Variants in FAM13A observed in about 807,000 individuals in gnomAD.
FAM13A encodes protein FAM13A.
Under a neutral mutation model 129.6 loss-of-function variants are expected in FAM13A, and 76 were observed. That is an observed-to-expected ratio of 0.59 (90% CI 0.49 to 0.71). The LOEUF (loss-of-function observed/expected upper bound fraction) is 0.71. FAM13A is among the 30% of genes least tolerant of loss of function. FAM13A has a pLI of 0.00. For synonymous variants in FAM13A, 443 were observed against 449.9 expected (o/e 0.98, Z 0.20); for missense variants, 1,108 against 1,249.3 (o/e 0.89, Z 1.70).
chr4:88,871,958 T>C (rs1178847473), intron 6 of FAM13A, among the ~76,000 whole-genome samples: 1 of 152,142 alleles, frequency 6.6e-6, no homozygotes, highest in Non-Finnish European at 1.5e-5. Flanking sequence ...CGGCAGAAAC[T>C]CTACAAGCCA....
rs373542000 is a variant in FAM13A, at chr4:89,023,428, TG to T, written c.218-2760del. Among the ~76,000 whole-genome samples, 19 of 152,124 alleles carry T rather than the reference TG, an allele frequency of 1.2e-4. No individual in the cohort carries two copies. The East Asian group carries it at 1.4e-3, about 11-fold the overall frequency. On this transcript the variant is annotated intron_variant, in intron 2 of 23. Coordinates refer to ENST00000264344, the MANE Select transcript of FAM13A (RefSeq NM_014883.4). ...GCCCCTTAGATCTGATTTCACATGA[TG>T]TTGTTTTTTTTTTTTCTTTTTAGCT...
At chr4:88,807,949 AAAATGTAAGCACTGAAATTTAAGT>A (rs1728911610) in intron 7 of FAM13A, among the ~76,000 whole-genome samples, 1 of 152,340 alleles carries the variant, frequency 6.6e-6, no homozygotes, top group Non-Finnish European at 1.5e-5. Flanking sequence ...TCTAAAAAAG[AAAATGTAAGCACTGAAATTTAAGT>A]AAAATAAAGC....
chr4:88,878,236 C>T (rs1376933211), intron 6 of FAM13A, among the ~76,000 whole-genome samples: 1 of 133,060 alleles, frequency 7.5e-6, no homozygotes, highest in Non-Finnish European at 1.5e-5. Context: ...TGCAGTGAGC[C>T]GAGATTGCGC....
At chr4:89,029,716 A>C in intron 1 of FAM13A, 67 bp from the exon 2 acceptor site, 1 of 1,278,990 alleles carries the variant, frequency 7.8e-7, no homozygotes, top group Non-Finnish European at 1.1e-6. Flanking sequence ...TGGTTACAAC[A>C]GAAACACCTG....
chr4:88,750,537 G>A lies in FAM13A; in HGVS notation c.1827C>T (p.Asp609=), dbSNP rs371681708. ...QAGRLIRQLL[D]EDSDPMLSPR... Reference sequence around the variant, plus strand: ...GAGAGAGCATGGGGTCGCTGTCTTCGTCCAGCAGCTGACGGATCAGGCGCC... The same window carrying A: ...GAGAGAGCATGGGGTCGCTGTCTTCATCCAGCAGCTGACGGATCAGGCGCC... Residue 609 remains aspartate, a synonymous_variant, in exon 15 of 24, where the codon GAC becomes GAT. Transcript: ENST00000264344. The A allele has an allele frequency of 6.0e-5, 97 of 1,614,018 alleles. No homozygotes were observed. Among genetic ancestry groups the A allele is most frequent in the Non-Finnish European group, 7.6e-5 (90 of 1,180,012 alleles).
chr4:88,824,834 A>C (rs762908259), intron 7 of FAM13A, among the ~76,000 whole-genome samples: 8 of 151,722 alleles, frequency 5.3e-5, no homozygotes, highest in Non-Finnish European at 7.4e-5. Flanking sequence ...CAGCCTCCCG[A>C]GTAGCTGGAA....
chr4:88,933,560 C>T (rs1047015922), intron 5 of FAM13A, among the ~76,000 whole-genome samples: 2 of 152,084 alleles, frequency 1.3e-5, no homozygotes, highest in African/African-American at 4.8e-5. Flanking sequence ...TAATGCAAAC[C>T]TCCTATTTCC....
At chr4:88,875,595 C>A (rs1298590990) in intron 6 of FAM13A, among the ~76,000 whole-genome samples, 1 of 152,136 alleles carries the variant, frequency 6.6e-6, no homozygotes, top group Non-Finnish European at 1.5e-5. Flanking sequence ...AATGAGATAC[C>A]ATCTCACACC....
Position 88,781,366 on chromosome 4 carries a change from A to G in FAM13A, c.1272-15T>C, listed in dbSNP as rs529734858. The G allele has an allele frequency of 3.8e-6, 6 of 1,558,600 alleles. No homozygotes were observed. The Admixed American group carries it at 5.6e-5, about 15-fold the overall frequency. On this transcript the variant is annotated splice_polypyrimidine_tract_variant and intron_variant, in intron 10 of 23. Coordinates refer to ENST00000264344, the MANE Select transcript of FAM13A (RefSeq NM_014883.4). ...TGATAAGTCCCCTTGAATTGAGAAA[A>G]AAGCTTAATTTTATTTTAAAAGATC...
rs1255001285 is a variant in FAM13A at position 88,823,232 on chromosome 4, C to T, written c.1008-18180G>A. 6.7e-6 allele frequency: 9 copies of T among 1,350,350 alleles called. No individual in the cohort carries two copies. In the South Asian group the frequency reaches 1.4e-4, roughly 22 times the overall value. 83.6% of individuals were successfully genotyped at this position (1,350,350 alleles called of 1,614,324 possible). ...TTTATCGGCTGCTTCTCTACATTTA[C>T]ACTGCAGTCCACTTTGACCTTTTGT... On this transcript the variant is annotated intron_variant, in intron 7 of 23. Coordinates refer to ENST00000264344, the MANE Select transcript of FAM13A (RefSeq NM_014883.4).
Position 88,781,150 on chromosome 4 carries a change from G to C in FAM13A, c.1458+15C>G, listed in dbSNP as rs752266550. On this transcript the variant is annotated intron_variant, in intron 11 of 23. Coordinates refer to ENST00000264344, the MANE Select transcript of FAM13A (RefSeq NM_014883.4). ...ATTTCCTAACAAGTAAAACTTTATA[G>C]ACGTATTCACTTACCACAAGACCGT... 1.3e-6 allele frequency: 2 copies of C among 1,517,320 alleles called. No individual in the cohort carries two copies. The highest frequency in any genetic ancestry group is 1.8e-6 in the Non-Finnish European group (2 of 1,118,340). The allele number at this position is 1,517,320 out of a possible 1,614,324, so 94.0% of individuals were successfully genotyped here. A position where few individuals can be genotyped will look rare whatever the true frequency, so the allele number is the denominator to read the frequency against.
chr4:88,808,548 T>A (rs1729037675), intron 7 of FAM13A, among the ~76,000 whole-genome samples: 1 of 152,146 alleles, frequency 6.6e-6, no homozygotes. Flanking sequence ...TTCCTAAAGA[T>A]GAAATTGAGA....
At chr4:88,794,086 A>G (rs1252606111) in intron 8 of FAM13A, among the ~76,000 whole-genome samples, 1 of 152,006 alleles carries the variant, frequency 6.6e-6, no homozygotes, top group Admixed American at 6.6e-5. Flanking sequence ...AGAGCTAAGA[A>G]TAATGAATTT....
intron 1 of FAM13A, among the ~76,000 whole-genome samples, chr4:89,048,240 G>T (rs1036590345): frequency 6.6e-6 from 1 of 151,836 alleles, no homozygotes; most frequent in Non-Finnish European, 1.5e-5. Flanking sequence ...ACAACCCAAG[G>T]ATCTATCAGT....
intron 1 of FAM13A, among the ~76,000 whole-genome samples, chr4:89,043,279 T>C (rs1287853325): frequency 6.6e-6 from 1 of 152,000 alleles, no homozygotes; most frequent in African/African-American, 2.4e-5. Context: ...ATTAGAAAAA[T>C]ACACTAACTA....
Position 88,758,623 on chromosome 4 carries a change from T to C in FAM13A, c.1726+131A>G, listed in dbSNP as rs910736329. ...ATGACAGGTCAAGGATTTTCGGTCA[T>C]TTGGAAATGCAGTTACTTCTGCATG... On this transcript the variant is annotated intron_variant, in intron 14 of 23. Coordinates refer to ENST00000264344, the MANE Select transcript of FAM13A (RefSeq NM_014883.4). 1.1e-5 allele frequency: 10 copies of C among 912,768 alleles called. 1 individual carries two copies. In the South Asian group the frequency reaches 1.3e-4, roughly 12 times the overall value. 56.5% of individuals were successfully genotyped at this position (912,768 alleles called of 1,614,324 possible).
At chr4:88,764,220 T>C (rs2149529763) in intron 13 of FAM13A, among the ~76,000 whole-genome samples, 1 of 152,262 alleles carries the variant, frequency 6.6e-6, no homozygotes, top group South Asian at 2.1e-4. Flanking sequence ...TATGAATGTC[T>C]TGTTTGTTAT....
chr4:88,818,030 C>G (rs1018591634), intron 7 of FAM13A, among the ~76,000 whole-genome samples: 1 of 152,206 alleles, frequency 6.6e-6, no homozygotes, highest in Non-Finnish European at 1.5e-5. Flanking sequence ...GTCGCACAGA[C>G]TGGAGTGCAG....
intron 21 of FAM13A, among the ~76,000 whole-genome samples, chr4:88,733,550 T>G (rs1738335040): frequency 6.6e-6 from 1 of 152,228 alleles, no homozygotes; most frequent in Admixed American, 6.5e-5. Flanking sequence ...AGGTACCTCA[T>G]AAGGCACACC....
Sources: gnomAD v4.1 joint callset for allele counts (sites outside exome capture counted in the v4.1 genomes callset) on GRCh38, gnomAD v4.1.1 for gene constraint, MANE v1.5 for transcripts, NCBI Gene and HGNC (gene_info 2026-07-23, HGNC 2026-07-21) for gene names.